Variants in ZNF804A observed in about 807,000 individuals in gnomAD.
ZNF804A encodes zinc finger protein 804A.
Under a neutral mutation model 16.5 loss-of-function variants are expected in ZNF804A, and 2 were observed. The observed-to-expected ratio is 0.12, with a 90% CI of 0.05 to 0.38. The LOEUF is 0.38. Among genes scored for constraint, ZNF804A ranks in the 10% least tolerant of loss-of-function variants. The pLI is 0.99. For synonymous variants in ZNF804A, 534 were observed against 489.6 expected (o/e 1.09, Z -1.20); for missense variants, 1,473 against 1,390.7 (o/e 1.06, Z -0.94).
chr2:184,683,048 A>G (rs1692567773), intron 1 of ZNF804A, among the ~76,000 whole-genome samples: 1 of 152,224 alleles, frequency 6.6e-6, no homozygotes, highest in Non-Finnish European at 1.5e-5. Flanking sequence ...AAAATAAAAT[A>G]AAATAAAAAC....
At chr2:184,725,490 G>C (rs1459435388) in intron 1 of ZNF804A, among the ~76,000 whole-genome samples, 1 of 151,472 alleles carries the variant, frequency 6.6e-6, no homozygotes, top group African/African-American at 2.4e-5. Context: ...TGCACAACTT[G>C]TTTGTAATTA....
At chr2:184,793,282 A>C (rs569245815) in intron 1 of ZNF804A, among the ~76,000 whole-genome samples, 9 of 152,248 alleles carry the variant, frequency 5.9e-5, no homozygotes, top group African/African-American at 1.9e-4. Context: ...TCCTTTGGAT[A>C]TATACCCGGA....
intron 1 of ZNF804A, among the ~76,000 whole-genome samples, chr2:184,820,641 A>G (rs1030626391): frequency 6.6e-6 from 1 of 152,054 alleles, no homozygotes; most frequent in South Asian, 2.1e-4. Context: ...TTTTTTGCCA[A>G]TGACATGATC....
chr2:184,812,717 T>TA (rs1694921179), intron 1 of ZNF804A, among the ~76,000 whole-genome samples: 2 of 152,070 alleles, frequency 1.3e-5, no homozygotes, highest in East Asian at 3.9e-4. Flanking sequence ...GAAAAAGAGC[T>TA]AAAACATGAT....
chr2:184,807,554 A>G (rs930460564), intron 1 of ZNF804A, among the ~76,000 whole-genome samples: 1 of 151,850 alleles, frequency 6.6e-6, no homozygotes, highest in Admixed American at 6.6e-5. Flanking sequence ...TCAGGAATAA[A>G]GCACCTGTCT....
At chr2:184,672,207 G>T (rs532598300) in intron 1 of ZNF804A, among the ~76,000 whole-genome samples, 1 of 152,154 alleles carries the variant, frequency 6.6e-6, no homozygotes, top group African/African-American at 2.4e-5. Context: ...GGCTACTTTT[G>T]TACTATCTTT....
chr2:184,899,199 C>T (rs930746037), intron 2 of ZNF804A, among the ~76,000 whole-genome samples: 1 of 151,790 alleles, frequency 6.6e-6, no homozygotes, highest in African/African-American at 2.4e-5. Context: ...TTCTCAAAAG[C>T]CTATTTTATA....
At chr2:184,642,624 TGTGGGTATATGAAAACCA>T (rs57724122) in intron 1 of ZNF804A, among the ~76,000 whole-genome samples, 27,619 of 152,036 alleles carry the variant, frequency 0.18, 3,021 homozygotes, top group South Asian at 0.26. Context: ...CATTATCTTC[TGTGGGTATATGAAAACCA>T]GTTGCTGGCC....
intron 2 of ZNF804A, among the ~76,000 whole-genome samples, chr2:184,892,310 C>A (rs1684997394): frequency 6.6e-6 from 1 of 151,866 alleles, no homozygotes; most frequent in Non-Finnish European, 1.5e-5. Context: ...TTAGCGGAGC[C>A]CAGCCCCATG....
chr2:184,693,599 A>G (rs988736553), intron 1 of ZNF804A, among the ~76,000 whole-genome samples: 2 of 152,202 alleles, frequency 1.3e-5, no homozygotes, highest in Admixed American at 1.3e-4. Context: ...TAATTGCTTA[A>G]TTTTGACTTC....
intron 1 of ZNF804A, among the ~76,000 whole-genome samples, chr2:184,625,902 G>T (rs1691487823): frequency 6.6e-6 from 1 of 151,924 alleles, no homozygotes. Context: ...GGAGTCTCGT[G>T]CTGTCGCCCA....
At chr2:184,874,832 C>A (rs991758354) in intron 2 of ZNF804A, among the ~76,000 whole-genome samples, 2 of 152,040 alleles carry the variant, frequency 1.3e-5, no homozygotes, top group Admixed American at 1.3e-4. Flanking sequence ...CACAGAAGCA[C>A]AGGATTTTAT....
chr2:184,659,767 C>T (rs74911995), intron 1 of ZNF804A, among the ~76,000 whole-genome samples: 2,692 of 152,034 alleles, frequency 0.018, 58 homozygotes, highest in African/African-American at 0.061. Context: ...TAACTCCTTT[C>T]GGAGTTTATT....
intron 1 of ZNF804A, among the ~76,000 whole-genome samples, chr2:184,803,717 G>A (rs78810635): frequency 0.035 from 5,331 of 152,210 alleles, 308 homozygotes; most frequent in African/African-American, 0.12. Flanking sequence ...CTTCAACAAA[G>A]GTCTAGGGAA....
At position 184,646,775 on chromosome 2, in the gene ZNF804A, G is replaced by A. The variant is rs994824574; in HGVS notation, c.111+47705G>A. ...GAGGCCATGGAGATTTCTCACCTCC[G>A]TGCCTAGGCAAACCTCTGAGCGCTT... On this transcript the variant is annotated intron_variant, in intron 1 of 3. Transcript: ENST00000302277. 9.2e-5 allele frequency among the ~76,000 whole-genome samples: 14 copies of A among 152,336 alleles called. No homozygotes were observed. In the East Asian group the frequency reaches 2.5e-3, roughly 27 times the overall value.
chr2:184,754,486 A>G (rs1209450890), intron 1 of ZNF804A, among the ~76,000 whole-genome samples: 3 of 151,880 alleles, frequency 2.0e-5, no homozygotes, highest in Non-Finnish European at 2.9e-5. Context: ...GCTATTCATG[A>G]GCACATATTC....
intron 3 of ZNF804A, 51 bp downstream of exon 3, chr2:184,933,784 G>T (rs181613014): frequency 1.3e-6 from 2 of 1,548,110 alleles, no homozygotes; most frequent in Admixed American, 2.2e-5. Flanking sequence ...CCAAAAAAGG[G>T]GTATAGGGGG....
At chr2:184,743,228 C>T (rs1693735146) in intron 1 of ZNF804A, among the ~76,000 whole-genome samples, 1 of 151,944 alleles carries the variant, frequency 6.6e-6, no homozygotes, top group African/African-American at 2.4e-5. Context: ...ATCCACCCCA[C>T]TTGAATTCAA....
At chr2:184,882,390 A>G (rs1684821988) in intron 2 of ZNF804A, among the ~76,000 whole-genome samples, 1 of 152,106 alleles carries the variant, frequency 6.6e-6, no homozygotes, top group Admixed American at 6.6e-5. Flanking sequence ...ACAATATTTG[A>G]CAGATCATTG....
Sources: gnomAD v4.1 joint callset for allele counts (sites outside exome capture counted in the v4.1 genomes callset) on GRCh38, gnomAD v4.1.1 for gene constraint, MANE v1.5 for transcripts, NCBI Gene and HGNC (gene_info 2026-07-23, HGNC 2026-07-21) for gene names.